CSMD3: variants seen among roughly 807,000 people sequenced by gnomAD.
CSMD3 encodes the protein CUB and Sushi multiple domains 3.
Under a neutral mutation model 435.2 loss-of-function variants are expected in CSMD3, and 177 were observed. The observed-to-expected ratio is 0.41, with a 90% CI of 0.36 to 0.46. The LOEUF (loss-of-function observed/expected upper bound fraction) is 0.46. Among genes scored for constraint, CSMD3 ranks in the 20% least tolerant of loss-of-function variants. The pLI, the probability that CSMD3 is intolerant of heterozygous loss-of-function variation, is 0.34. For synonymous variants in CSMD3, 1,656 were observed against 1,520.5 expected (o/e 1.09, Z -2.07); for missense variants, 4,265 against 4,504.6 (o/e 0.95, Z 1.52).
intron 54 of CSMD3, among the ~76,000 whole-genome samples, chr8:112,294,309 G>C (rs936013435): frequency 3.9e-5 from 6 of 151,900 alleles, no homozygotes; most frequent in Admixed American, 6.6e-5. Context: ...TCCTGTGAAC[G>C]CATACTAAAA....
At chr8:112,359,592 T>C (rs1344862950) in intron 38 of CSMD3, among the ~76,000 whole-genome samples, 1 of 152,068 alleles carries the variant, frequency 6.6e-6, no homozygotes, top group Non-Finnish European at 1.5e-5. Flanking sequence ...AACACAATGG[T>C]TAGAGTAGCT....
chr8:113,221,675 G>C (rs1453526163), intron 3 of CSMD3, among the ~76,000 whole-genome samples: 2 of 150,968 alleles, frequency 1.3e-5, no homozygotes, highest in Non-Finnish European at 3.0e-5. Context: ...ACTCACCTGA[G>C]GGCCTTTACA....
chr8:113,117,127 G>A (rs377074340), intron 4 of CSMD3, among the ~76,000 whole-genome samples: 2 of 152,202 alleles, frequency 1.3e-5, no homozygotes, highest in Non-Finnish European at 2.9e-5. Context: ...TGGCAAAAAT[G>A]TCTCCATGGC....
chr8:113,287,950 G>A (rs1303773806), intron 2 of CSMD3, among the ~76,000 whole-genome samples: 5 of 151,448 alleles, frequency 3.3e-5, no homozygotes, highest in African/African-American at 4.8e-5. Context: ...TCATTTTTTT[G>A]GTCTGAGCAC....
chr8:112,964,165 G>A (rs567113080), intron 7 of CSMD3, among the ~76,000 whole-genome samples: 1 of 151,564 alleles, frequency 6.6e-6, no homozygotes, highest in Non-Finnish European at 1.5e-5. Flanking sequence ...ATTGCCCAAG[G>A]TTATCTATAT....
At chr8:112,298,111 T>C (rs901573889) in intron 53 of CSMD3, among the ~76,000 whole-genome samples, 2 of 141,502 alleles carry the variant, frequency 1.4e-5, no homozygotes, top group East Asian at 4.2e-4. Context: ...CCCAAACAAA[T>C]GTACTCTGTT....
chr8:113,335,812 C>T (rs1006070795), intron 1 of CSMD3, among the ~76,000 whole-genome samples: 3 of 151,716 alleles, frequency 2.0e-5, no homozygotes, highest in Admixed American at 1.3e-4. Flanking sequence ...ATCTTTTATC[C>T]TTTTCACCTA....
At chr8:113,243,071 T>C (rs1396168639) in intron 3 of CSMD3, among the ~76,000 whole-genome samples, 2 of 151,894 alleles carry the variant, frequency 1.3e-5, no homozygotes, top group Admixed American at 1.3e-4. Context: ...AACTTGTATC[T>C]TTTGATTTTC....
intron 65 of CSMD3, 56 bp from the exon 66 acceptor site, chr8:112,241,841 T>TTCACAC: frequency 1.1e-5 from 9 of 798,936 alleles, no homozygotes; most frequent in Middle Eastern, 2.6e-4. Context: ...TACATACACA[T>TTCACAC]GCGCACACAC....
intron 6 of CSMD3, among the ~76,000 whole-genome samples, chr8:112,979,151 CCAAAA>C (rs2084956466): frequency 6.6e-6 from 1 of 151,592 alleles, no homozygotes; most frequent in Non-Finnish European, 1.5e-5. Context: ...GTTGTTATTT[CCAAAA>C]CAAAAGTTTA....
intron 14 of CSMD3, among the ~76,000 whole-genome samples, chr8:112,688,178 A>C (rs1000904243): frequency 6.6e-6 from 1 of 152,148 alleles, no homozygotes; most frequent in Admixed American, 6.6e-5. Flanking sequence ...TTTGGCCCAC[A>C]ATCTGTTTGC....
chr8:113,045,091 T>G (rs1459395780), intron 5 of CSMD3, among the ~76,000 whole-genome samples: 1 of 149,242 alleles, frequency 6.7e-6, no homozygotes, highest in Non-Finnish European at 1.5e-5. Context: ...TTTGTCTACA[T>G]GTATTACTAT....
intron 19 of CSMD3, among the ~76,000 whole-genome samples, chr8:112,648,461 A>G (rs978381578): frequency 4.6e-5 from 7 of 152,250 alleles, no homozygotes. Flanking sequence ...GTAAGAATGC[A>G]GGACAGAAAC....
At chr8:113,298,661 T>C (rs926864620) in intron 2 of CSMD3, among the ~76,000 whole-genome samples, 4 of 152,152 alleles carry the variant, frequency 2.6e-5, no homozygotes, top group African/African-American at 7.2e-5. Flanking sequence ...TTGTTTGTAG[T>C]AGCTTCTTTT....
chr8:112,515,130 G>T (rs1401670968), intron 28 of CSMD3, among the ~76,000 whole-genome samples: 1 of 151,796 alleles, frequency 6.6e-6, no homozygotes, highest in African/African-American at 2.4e-5. Context: ...GATCTCAGAA[G>T]TTTTTCATCT....
At chr8:113,434,613 T>G (rs940883450) in intron 1 of CSMD3, among the ~76,000 whole-genome samples, 1 of 152,128 alleles carries the variant, frequency 6.6e-6, no homozygotes, top group East Asian at 1.9e-4. Context: ...TTTATTGACA[T>G]TGAAAAAAAA....
At chr8:112,426,841 T>C (rs1813117354) in intron 32 of CSMD3, among the ~76,000 whole-genome samples, 1 of 152,224 alleles carries the variant, frequency 6.6e-6, no homozygotes, top group Admixed American at 6.5e-5. Flanking sequence ...GAAACTCCAA[T>C]TATGTACAAA....
chr8:113,137,373 T>A (rs573067947), intron 4 of CSMD3, among the ~76,000 whole-genome samples: 1 of 151,856 alleles, frequency 6.6e-6, no homozygotes, highest in Admixed American at 6.6e-5. Flanking sequence ...ATTTATATGT[T>A]TATAAAAAGA....
At chr8:112,897,694 CTGTG>C (rs375797134) in intron 10 of CSMD3, among the ~76,000 whole-genome samples, 1,002 of 90,928 alleles carry the variant, frequency 0.011, 6 homozygotes, top group Middle Eastern at 0.033. Context: ...CTCTCTCTCT[CTGTG>C]TGTGTGTGTG....
Sources: gnomAD v4.1 joint callset for allele counts (sites outside exome capture counted in the v4.1 genomes callset) on GRCh38, gnomAD v4.1.1 for gene constraint, MANE v1.5 for transcripts, NCBI Gene and HGNC (gene_info 2026-07-23, HGNC 2026-07-21) for gene names.